The following FARS2 variants were observed in gnomAD, a reference collection of about 807,000 sequenced individuals.
FARS2 encodes the protein phenylalanine--tRNA ligase, mitochondrial.
In FARS2, 40 loss-of-function variants were observed where a neutral mutation model predicts 46.4. The observed-to-expected ratio is 0.86, with a 90% CI of 0.67 to 1.12. The LOEUF is 1.12. Among genes scored for constraint, FARS2 ranks in the 50% most tolerant of loss-of-function variants. The pLI is 0.00. For synonymous variants in FARS2, 234 were observed against 214.9 expected, an observed-to-expected ratio of 1.09 and a Z score of -0.78; for missense variants, 513 against 567.9, an observed-to-expected ratio of 0.90 and a Z score of 0.98.
intron 5 of FARS2, among the ~76,000 whole-genome samples, chr6:5,574,325 C>T (rs1252511293): frequency 3.9e-5 from 6 of 152,160 alleles, no homozygotes; most frequent in African/African-American, 9.6e-5. Flanking sequence ...GGGGTTTCAC[C>T]GTGTTAGCCA....
intron 1 of FARS2, among the ~76,000 whole-genome samples, chr6:5,318,972 A>G (rs1303215033): frequency 6.6e-6 from 1 of 150,966 alleles, no homozygotes; most frequent in Admixed American, 6.6e-5. Context: ...TCTCAGCTTC[A>G]GCAACCTGGG....
chr6:5,369,140 T>C lies in FARS2; in HGVS notation c.570T>C (p.Ile190=), dbSNP rs761295944. 1.9e-6 allele frequency: 3 copies of C among 1,611,802 alleles called. No homozygotes were observed. In the Admixed American group the frequency reaches 5.0e-5, roughly 27 times the overall value. The change falls in exon 2 of 7, where the codon ATT becomes ATC. Residue 190 remains isoleucine, a synonymous_variant. Transcript: ENST00000274680. ...AGATCGACTCCCAGCACTACCCTAT[T>C]TTCCACCAGCTGGAGGCCGTGCGGC... The part of the protein sequence containing the change: ...RDQIDSQHYP[I]FHQLEAVRLF...
intron 5 of FARS2, among the ~76,000 whole-genome samples, chr6:5,546,551 T>A (rs1285190306): frequency 3.3e-5 from 5 of 151,664 alleles, no homozygotes; most frequent in Admixed American, 6.6e-5. Context: ...CGCCCAGCCC[T>A]CATCTAGTAT....
intron 4 of FARS2, among the ~76,000 whole-genome samples, chr6:5,484,661 G>A (rs1410242024): frequency 6.6e-6 from 1 of 152,158 alleles, no homozygotes; most frequent in Non-Finnish European, 1.5e-5. Flanking sequence ...GTGGTCCCAG[G>A]GTGAAAAAGA....
intron 1 of FARS2, among the ~76,000 whole-genome samples, chr6:5,354,659 G>A (rs1022338923): frequency 1.3e-5 from 2 of 151,876 alleles, no homozygotes; most frequent in Non-Finnish European, 2.9e-5. Context: ...GACTACAGGC[G>A]CCCGCCACCA....
In FARS2 at chr6:5,592,555, C is replaced by T. The variant is rs1320696153; in HGVS notation, c.1066-20614C>T. 2.6e-5 allele frequency among the ~76,000 whole-genome samples: 4 copies of T among 152,080 alleles called. No homozygotes were observed. In the East Asian group the frequency reaches 7.7e-4, roughly 29 times the overall value. On this transcript the variant is annotated intron_variant, in intron 5 of 6. Coordinates refer to ENST00000274680, the MANE Select transcript of FARS2 (RefSeq NM_006567.5). ...GATCTTACAGTAGAAAATTCACCAA[C>T]CTGCCAACCCTGAAATAGACTGAGC...
At chr6:5,617,675 T>C (rs530153757) in intron 6 of FARS2, among the ~76,000 whole-genome samples, 17 of 152,360 alleles carry the variant, frequency 1.1e-4, no homozygotes, top group African/African-American at 3.1e-4. Context: ...GCTACTTCAT[T>C]GTGACTGTGA....
At chr6:5,680,657 C>G (rs1449641255) in intron 6 of FARS2, among the ~76,000 whole-genome samples, 2 of 152,270 alleles carry the variant, frequency 1.3e-5, no homozygotes, top group East Asian at 3.9e-4. Context: ...ATCCATAACC[C>G]CTGGTCAACA....
At chr6:5,761,300 T>A (rs964687382) in intron 6 of FARS2, among the ~76,000 whole-genome samples, 2 of 152,216 alleles carry the variant, frequency 1.3e-5, no homozygotes, top group Non-Finnish European at 2.9e-5. Context: ...TATAGCCTAA[T>A]CCTTCTTTCT....
Position 5,396,719 on chromosome 6 carries a change from G to T in FARS2, c.613-7823G>T, listed in dbSNP as rs141536478. ...CAGGAGCAGTGAGCTGACATGAAGC[G>T]TGTGGAGGTGCTACAGCTGCTGTCA... On this transcript the variant is annotated intron_variant, in intron 2 of 6. Transcript: ENST00000274680. Among the ~76,000 whole-genome samples the T allele has an allele frequency of 4.5e-3, 682 of 152,334 alleles. 6 individuals carry two copies. The highest frequency in any genetic ancestry group is 0.02 in the Middle Eastern group (6 of 294).
intron 4 of FARS2, among the ~76,000 whole-genome samples, chr6:5,525,210 TG>T (rs1769385622): frequency 7.4e-6 from 1 of 134,266 alleles, no homozygotes; most frequent in Admixed American, 7.9e-5. Flanking sequence ...ATAAAAAAAC[TG>T]TTATTTTCTA....
chr6:5,522,553 G>A (rs148464165), intron 4 of FARS2, among the ~76,000 whole-genome samples: 3 of 152,326 alleles, frequency 2.0e-5, no homozygotes, highest in Non-Finnish European at 4.4e-5. Flanking sequence ...TCATGTGCTC[G>A]GACCAGCGGA....
intron 3 of FARS2, 104 bp from the exon 4 acceptor site, chr6:5,430,937 C>G: frequency 9.0e-7 from 1 of 1,115,258 alleles, no homozygotes; most frequent in Non-Finnish European, 1.3e-6. Context: ...TTATTTTACT[C>G]AGAATGTAGT....
At chr6:5,301,699 G>A (rs1768311171) in intron 1 of FARS2, among the ~76,000 whole-genome samples, 2 of 151,914 alleles carry the variant, frequency 1.3e-5, no homozygotes, top group Non-Finnish European at 1.5e-5. Context: ...TTGCGGAGTG[G>A]CAACTAATAT....
At chr6:5,413,161 A>G (rs931487322) in intron 3 of FARS2, among the ~76,000 whole-genome samples, 1 of 152,194 alleles carries the variant, frequency 6.6e-6, no homozygotes, top group Admixed American at 6.5e-5. Context: ...ACCTCTTTAG[A>G]GAAAGGTTGA....
intron 6 of FARS2, among the ~76,000 whole-genome samples, chr6:5,693,485 A>C (rs992905363): frequency 6.6e-6 from 1 of 152,220 alleles, no homozygotes; most frequent in African/African-American, 2.4e-5. Flanking sequence ...ATTGTTCTGC[A>C]GAAGTTTTGC....
chr6:5,544,227 C>G (rs1770812462), intron 4 of FARS2, among the ~76,000 whole-genome samples: 1 of 152,196 alleles, frequency 6.6e-6, no homozygotes, highest in South Asian at 2.1e-4. Flanking sequence ...GGATCTCTCT[C>G]CAATCGGCCA....
intron 6 of FARS2, among the ~76,000 whole-genome samples, chr6:5,682,654 A>G (rs1027209697): frequency 6.6e-6 from 1 of 152,218 alleles, no homozygotes; most frequent in African/African-American, 2.4e-5. Flanking sequence ...CTCAATAGGT[A>G]CGGAGCCCTG....
At chr6:5,334,362 A>G (rs1229271006) in intron 1 of FARS2, among the ~76,000 whole-genome samples, 1 of 152,216 alleles carries the variant, frequency 6.6e-6, no homozygotes, top group Non-Finnish European at 1.5e-5. Context: ...TTGACTAGCA[A>G]TTCAGCTTTC....
Sources: allele counts gnomAD v4.1 joint callset (sites outside exome capture counted in the v4.1 genomes callset), GRCh38; gene constraint gnomAD v4.1.1; transcripts MANE v1.5; gene names NCBI Gene and HGNC (gene_info 2026-07-23, HGNC 2026-07-21).